The following EDEM2 variants were observed in gnomAD, a reference collection of about 807,000 sequenced individuals.
EDEM2 encodes ER degradation enhancing alpha-mannosidase like protein 2.
A neutral mutation model predicts 64.8 loss-of-function variants in EDEM2; 39 were observed. That is an observed-to-expected ratio of 0.60 (90% CI 0.47 to 0.79). The LOEUF (loss-of-function observed/expected upper bound fraction) is 0.79, where lower values mean the gene tolerates loss of function less well. Ranked by LOEUF, EDEM2 falls within the 30% of genes least tolerant of loss-of-function variation. The pLI, the probability that EDEM2 is intolerant of heterozygous loss-of-function variation, is 0.00. For missense variants in EDEM2, 609 were observed against 731.3 expected (o/e 0.83, Z 1.93); for synonymous variants, 296 against 291.5 (o/e 1.02, Z -0.16).
intron 8 of EDEM2, among the ~76,000 whole-genome samples, chr20:35,124,385 C>A (rs1026167006): frequency 1.5e-4 from 23 of 152,288 alleles, no homozygotes; most frequent in Middle Eastern, 6.8e-3. Context: ...CCACACCACA[C>A]CCCCAAAAGA....
chr20:35,135,146 T>C (rs755714874), intron 5 of EDEM2, among the ~76,000 whole-genome samples, 197 bp from the exon 6 acceptor site: 31 of 152,172 alleles, frequency 2.0e-4, no homozygotes, highest in Non-Finnish European at 4.1e-4. Flanking sequence ...TGTCAAACAC[T>C]GCTCTGCATA....
At position 35,146,806 on chromosome 20, in the gene EDEM2, G is replaced by A; in HGVS notation, c.218+19C>T. ...GAGAGTCAGACCCTGGCCGCCCCTT[G>A]CCCCTCCGCTCGCACTACCTGCCCC... On this transcript the variant is annotated intron_variant, in intron 2 of 10. Transcript: ENST00000374492. 6.2e-7 allele frequency: 1 copy of A among 1,611,924 alleles called. No homozygotes were observed. The highest frequency in any genetic ancestry group is 1.1e-5 in the South Asian group (1 of 90,648).
intron 4 of EDEM2, among the ~76,000 whole-genome samples, chr20:35,139,847 A>G (rs2085628811): frequency 8.0e-6 from 1 of 125,194 alleles, no homozygotes; most frequent in African/African-American, 2.5e-5. Flanking sequence ...GAAGTTTTCC[A>G]TAACAAAAAG....
intron 9 of EDEM2, among the ~76,000 whole-genome samples, chr20:35,122,311 T>C (rs1166443147): frequency 1.3e-5 from 2 of 152,230 alleles, no homozygotes; most frequent in Non-Finnish European, 2.9e-5. Context: ...TTCCAAACCC[T>C]AATCTTTACC....
intron 8 of EDEM2, 64 bp from the exon 9 acceptor site, chr20:35,124,098 A>T: frequency 6.4e-7 from 1 of 1,564,704 alleles, no homozygotes; most frequent in Non-Finnish European, 8.7e-7. Flanking sequence ...GACAACCTTA[A>T]GAAAAGACAA....
intron 5 of EDEM2, 97 bp downstream of exon 5, chr20:35,137,783 A>T: frequency 6.7e-7 from 1 of 1,498,016 alleles, no homozygotes; most frequent in Non-Finnish European, 9.0e-7. Context: ...CTGGTGAGAA[A>T]TACCAGGAAT....
chr20:35,131,216 G>A (rs1178332585), intron 7 of EDEM2, among the ~76,000 whole-genome samples: 2 of 151,980 alleles, frequency 1.3e-5, no homozygotes, highest in Non-Finnish European at 2.9e-5. Context: ...CATGAAGTGG[G>A]CAGTGTAAGT....
intron 3 of EDEM2, among the ~76,000 whole-genome samples, chr20:35,143,626 G>C (rs984327639): frequency 6.6e-6 from 1 of 152,082 alleles, no homozygotes; most frequent in Non-Finnish European, 1.5e-5. Flanking sequence ...ATTTACCCTC[G>C]AGGAATCACT....
intron 10 of EDEM2, among the ~76,000 whole-genome samples, chr20:35,116,798 T>C (rs193228213): frequency 5.3e-5 from 8 of 152,210 alleles, no homozygotes; most frequent in Admixed American, 5.2e-4. Context: ...ACCAAGTTTT[T>C]TTTTTTTTAG....
intron 5 of EDEM2, among the ~76,000 whole-genome samples, chr20:35,135,456 G>C (rs537476390): frequency 6.6e-6 from 1 of 152,286 alleles, no homozygotes; most frequent in African/African-American, 2.4e-5. Context: ...TTCGAGACCA[G>C]CCTGGCCAAC....
In EDEM2 at chr20:35,118,389, C is replaced by G. The variant is rs985557872; in HGVS notation, c.1236+209G>C. 3.3e-5 allele frequency: 21 copies of G among 643,572 alleles called. No homozygotes were observed. The East Asian group carries it at 6.9e-4, about 21-fold the overall frequency. 39.9% of individuals were successfully genotyped at this position (643,572 alleles called of 1,614,324 possible). A position where few individuals can be genotyped will look rare whatever the true frequency, so the allele number is the denominator to read the frequency against. On this transcript the variant is annotated intron_variant, in intron 10 of 10. Transcript: ENST00000374492. ...CAAGATCCCAAGGAACTAATTCTAG[C>G]TCTACCTCTACTAGCTGTGAGATCT...
chr20:35,130,254 G>C lies in EDEM2; in HGVS notation c.844+1388C>G, dbSNP rs8125610. On this transcript the variant is annotated intron_variant, in intron 7 of 10. Transcript: ENST00000374492. ...AGCAAATTTTTTTTTATTTTTTGTA[G>C]AGACGAGGTCTCACCATGTTGCCCA... 7.3e-3 allele frequency among the ~76,000 whole-genome samples: 1,105 copies of C among 151,904 alleles called. 12 individuals are homozygous for C. The highest frequency in any genetic ancestry group is 0.025 in the African/African-American group (1,044 of 41,392).
chr20:35,136,619 G>A (rs1437668914), intron 5 of EDEM2, among the ~76,000 whole-genome samples: 1 of 152,008 alleles, frequency 6.6e-6, no homozygotes, highest in Non-Finnish European at 1.5e-5. Context: ...CATGCATGGT[G>A]GCATCTGCCT....
At chr20:35,147,098 G>T in intron 1 of EDEM2, 54 bp downstream of exon 1, 1 of 1,572,566 alleles carries the variant, frequency 6.4e-7, no homozygotes, top group South Asian at 1.2e-5. Context: ...AAAGGGAAAG[G>T]ACCGGGTTCA....
At chr20:35,137,796 A>G (rs2085597836) in intron 5 of EDEM2, 84 bp downstream of exon 5, 2 of 1,540,596 alleles carry the variant, frequency 1.3e-6, no homozygotes, top group Admixed American at 2.0e-5. Flanking sequence ...CCAGGAATTA[A>G]TTCAGCACTG....
At chr20:35,121,460 T>C (rs970356934) in intron 9 of EDEM2, among the ~76,000 whole-genome samples, 38 of 152,286 alleles carry the variant, frequency 2.5e-4, no homozygotes, top group African/African-American at 8.9e-4. Context: ...AGATGAAGCT[T>C]TGCTTGCTCA....
chr20:35,142,282 C>G, intron 4 of EDEM2, 91 bp downstream of exon 4: 1 of 1,041,998 alleles, frequency 9.6e-7, no homozygotes, highest in Non-Finnish European at 1.4e-6. Flanking sequence ...CTGGCATGGT[C>G]AGTCCTTAAA....
intron 9 of EDEM2, among the ~76,000 whole-genome samples, chr20:35,120,877 G>A (rs982716804): frequency 4.4e-4 from 67 of 152,228 alleles, no homozygotes; most frequent in African/African-American, 1.3e-3. Context: ...GATTACAGGC[G>A]TGAGCCACCA....
At chr20:35,122,038 C>T (rs998943897) in intron 9 of EDEM2, among the ~76,000 whole-genome samples, 1 of 152,166 alleles carries the variant, frequency 6.6e-6, no homozygotes, top group Non-Finnish European at 1.5e-5. Flanking sequence ...ATCCTCCTGC[C>T]TCAGGCTTCC....
Sources: allele counts gnomAD v4.1 joint callset (sites outside exome capture counted in the v4.1 genomes callset), GRCh38; gene constraint gnomAD v4.1.1; transcripts MANE v1.5; gene names NCBI Gene and HGNC (gene_info 2026-07-23, HGNC 2026-07-21).